CEP83: variants seen among roughly 807,000 people sequenced by gnomAD.
The protein encoded by CEP83 is centrosomal protein of 83 kDa.
CEP83 carries 70 observed loss-of-function variants against 101.9 expected under a neutral mutation model. The ratio of observed to expected loss-of-function variants is 0.69; its 90% confidence interval spans 0.57 to 0.84. The LOEUF (loss-of-function observed/expected upper bound fraction) is 0.84. Among genes scored for constraint, CEP83 ranks in the 40% least tolerant of loss-of-function variants. The pLI is 0.00. For synonymous variants in CEP83, 264 were observed against 267.9 expected (o/e 0.99, Z 0.14); for missense variants, 715 against 787.2 (o/e 0.91, Z 1.10).
At chr12:94,271,953 C>A in the CEP83 span, among the ~76,000 whole-genome samples, 1 of 152,064 alleles carries the variant, frequency 6.6e-6, no homozygotes, top group Admixed American at 6.5e-5. Context: ...TACATATGAC[C>A]GCTGTGATGG....
At chr12:94,326,179 T>A (rs750284986) in intron 14 of CEP83, among the ~76,000 whole-genome samples, 1 of 152,166 alleles carries the variant, frequency 6.6e-6, no homozygotes, top group Non-Finnish European at 1.5e-5. Flanking sequence ...ATTGACTTGC[T>A]GGGAGGGTGG....
At chr12:94,359,604 C>G (rs1429017166) in intron 11 of CEP83, among the ~76,000 whole-genome samples, 1 of 152,090 alleles carries the variant, frequency 6.6e-6, no homozygotes, top group Non-Finnish European at 1.5e-5. Flanking sequence ...AAAACCTGAA[C>G]AGATCAATAA....
At chr12:94,445,027 A>G (rs1318413286) in intron 1 of CEP83, among the ~76,000 whole-genome samples, 2 of 150,830 alleles carry the variant, frequency 1.3e-5, no homozygotes, top group Non-Finnish European at 2.9e-5. Flanking sequence ...AGAAGAGCCA[A>G]AAAAAAAACT....
At chr12:94,414,034 T>G (rs2064098522) in intron 2 of CEP83, among the ~76,000 whole-genome samples, 2 of 152,218 alleles carry the variant, frequency 1.3e-5, no homozygotes, top group South Asian at 2.1e-4. Context: ...TACGTATTAC[T>G]TAAGACAATC....
At chr12:94,298,781 T>C in the CEP83 span, 6 of 1,610,608 alleles carry the variant, frequency 3.7e-6, no homozygotes, top group East Asian at 1.3e-4. Context: ...TCGTACATAT[T>C]TGGAAAACAA....
intron 2 of CEP83, among the ~76,000 whole-genome samples, chr12:94,420,049 T>C (rs1449122707): frequency 6.6e-6 from 1 of 152,230 alleles, no homozygotes; most frequent in Admixed American, 6.5e-5. Context: ...TTTGCATCTT[T>C]TGCCCAATTT....
In CEP83 at chr12:94,378,021, T is replaced by C. The variant is rs181504758; in HGVS notation, c.801+770A>G. Among the ~76,000 whole-genome samples the C allele has an allele frequency of 2.3e-3, 354 of 152,300 alleles. 2 individuals carry two copies. The highest frequency in any genetic ancestry group is 7.7e-3 in the African/African-American group (319 of 41,580). On this transcript the variant is annotated intron_variant, in intron 7 of 16. Transcript: ENST00000397809. ...GAAAAAAAAAATCACCATCTTGGATTTGGATATTGATTTTAACTACAAATT... is the reference window on the plus strand; with the variant it reads ...GAAAAAAAAAATCACCATCTTGGATCTGGATATTGATTTTAACTACAAATT...
intron 11 of CEP83, among the ~76,000 whole-genome samples, chr12:94,352,485 C>G (rs993565758): frequency 2.0e-5 from 3 of 149,824 alleles, no homozygotes; most frequent in African/African-American, 7.3e-5. Context: ...CAATAATACT[C>G]CAGTAATAGA....
intron 4 of CEP83, among the ~76,000 whole-genome samples, chr12:94,406,686 C>T (rs1419312333): frequency 1.3e-5 from 2 of 152,062 alleles, no homozygotes; most frequent in East Asian, 3.9e-4. Flanking sequence ...CTTTGGGAGG[C>T]CGAGGCAGGC....
the CEP83 span, chr12:94,294,455 A>C: frequency 3.1e-6 from 3 of 974,248 alleles, no homozygotes; most frequent in Non-Finnish European, 4.8e-6. Context: ...TAAATTTTGA[A>C]CACTCATATA....
intron 15 of CEP83, among the ~76,000 whole-genome samples, chr12:94,311,147 C>T (rs1469509972): frequency 1.3e-5 from 2 of 152,136 alleles, no homozygotes; most frequent in Non-Finnish European, 2.9e-5. Context: ...CCATAAAAAC[C>T]CAAAAGCATG....
the CEP83 span, among the ~76,000 whole-genome samples, chr12:94,293,524 C>T: frequency 3.9e-5 from 6 of 152,336 alleles, no homozygotes; most frequent in East Asian, 9.7e-4. Context: ...ACTAGTAGCT[C>T]GGTGAGGACC....
chr12:94,432,150 G>A (rs985910462), intron 2 of CEP83, among the ~76,000 whole-genome samples: 7 of 151,842 alleles, frequency 4.6e-5, no homozygotes, highest in African/African-American at 7.3e-5. Context: ...TGCCTCCCAG[G>A]TTCACACCAT....
rs767118598 is a variant in CEP83 at position 94,400,944 on chromosome 12, C to A, written c.455G>T (p.Arg152Leu). 1 of 1,506,456 alleles carries A rather than the reference C, an allele frequency of 6.6e-7. No individual in the cohort carries two copies. Among genetic ancestry groups the A allele is most frequent in the African/African-American group, 1.4e-5 (1 of 71,130 alleles). 93.3% of individuals were successfully genotyped at this position (1,506,456 alleles called of 1,614,324 possible). The change falls in exon 6 of 17, where the codon CGC (arginine) becomes CTC (leucine). Residue 152 changes from arginine (R) to leucine (L), a missense_variant. Transcript: ENST00000397809. ...TGACTTGAGAAATGTATGTTCATAG[C>A]GAAGCTTATTATATACAGCTCTATA... ...EKYRAVYNKL[R>L]YEHTFLKSEF...
the CEP83 span, chr12:94,279,913 T>A: frequency 3.3e-6 from 2 of 598,660 alleles, no homozygotes. Flanking sequence ...TAAATCAGAT[T>A]GATGAGATTG....
At chr12:94,409,660 CAG>C (rs1396247378) in intron 4 of CEP83, among the ~76,000 whole-genome samples, 1 of 152,152 alleles carries the variant, frequency 6.6e-6, no homozygotes, top group Non-Finnish European at 1.5e-5. Context: ...CTTTAAATAA[CAG>C]AAGTTTGTTC....
rs115462764 is a variant in CEP83, at chr12:94,365,554, G to A, written c.1343+2240C>T. ...GGAGGCCGAGGTGGGCAGATCACCCGAAGCCAGAAGTTTGACAGCAGCCTG... is the reference window on the plus strand; with the variant it reads ...GGAGGCCGAGGTGGGCAGATCACCCAAAGCCAGAAGTTTGACAGCAGCCTG... On this transcript the variant is annotated intron_variant, in intron 11 of 16. Transcript: ENST00000397809. Among the ~76,000 whole-genome samples, 518 of 152,278 alleles carry A rather than the reference G, an allele frequency of 3.4e-3. 3 individuals are homozygous for A. The highest frequency in any genetic ancestry group is 9.3e-3 in the African/African-American group (385 of 41,552).
intron 14 of CEP83, among the ~76,000 whole-genome samples, chr12:94,322,983 G>C (rs1327156776): frequency 1.3e-5 from 2 of 152,172 alleles, no homozygotes; most frequent in South Asian, 2.1e-4. Flanking sequence ...CTTTTCCATA[G>C]GGTGGCTGCA....
chr12:94,298,624 T>C, the CEP83 span: 1 of 1,581,196 alleles, frequency 6.3e-7, no homozygotes, highest in Non-Finnish European at 8.6e-7. Context: ...ATGTTGTCTA[T>C]CTTTCAGGTG....
Sources: allele counts gnomAD v4.1 joint callset (sites outside exome capture counted in the v4.1 genomes callset), GRCh38; gene constraint gnomAD v4.1.1; transcripts MANE v1.5; gene names NCBI Gene and HGNC (gene_info 2026-07-23, HGNC 2026-07-21).